The following DCUN1D5 variants were observed in gnomAD, a reference collection of about 807,000 sequenced individuals.
The protein encoded by DCUN1D5 is DCN1-like protein 5.
DCUN1D5 carries 10 observed loss-of-function variants against 38.3 expected under a neutral mutation model. The ratio of observed to expected loss-of-function variants is 0.26; its 90% CI spans 0.16 to 0.44. The LOEUF (loss-of-function observed/expected upper bound fraction) is 0.44. DCUN1D5 is among the 20% of genes least tolerant of loss of function. The probability of loss-of-function intolerance (pLI) is 1.00; values close to 1 mark genes in which losing one functional copy is unlikely to be tolerated. For synonymous variants in DCUN1D5, 93 were observed against 90.9 expected, an observed-to-expected ratio of 1.02 and a Z score of -0.13; for missense variants, 148 against 275.3, an observed-to-expected ratio of 0.54 and a Z score of 3.27.
rs1370290808 is a variant in DCUN1D5 at position 103,060,193 on chromosome 11, C to A, written c.*2166G>T. On this transcript the variant is annotated 3_prime_UTR_variant, in exon 8 of 8. Transcript: ENST00000260247. ...AAGAAGGTAAGAGAAATAGATGGAG[C>A]AATAGAGTAAAGCAAGCGTGGCCTC... Among the ~76,000 whole-genome samples the A allele has an allele frequency of 6.6e-6, 1 of 151,980 alleles. No individual in the cohort carries two copies. Among genetic ancestry groups the A allele is most frequent in the African/African-American group, 2.4e-5 (1 of 41,356 alleles).
intron 4 of DCUN1D5, among the ~76,000 whole-genome samples, chr11:103,069,061 G>A (rs2134608885): frequency 6.6e-6 from 1 of 152,192 alleles, no homozygotes; most frequent in South Asian, 2.1e-4. Flanking sequence ...GATAAAAGAG[G>A]CACTAACTTG....
Position 103,092,089 on chromosome 11 carries a change from G to A in DCUN1D5, c.-217C>T, listed in dbSNP as rs1218381883. The A allele has an allele frequency of 1.5e-5, 8 of 544,398 alleles. No individual in the cohort carries two copies. In the East Asian group the frequency reaches 2.2e-4, roughly 15 times the overall value. The allele number at this position is 544,398 out of a possible 1,614,324, so 33.7% of individuals were successfully genotyped here. A position where few individuals can be genotyped will look rare whatever the true frequency, so the allele number is the denominator to read the frequency against. ...GGGACAGGGCTGGCTCCTCGCCGGT[G>A]GACACTGCGGTTCGTTCTCACCGGG... is the stretch of plus-strand genomic sequence containing the variant. On this transcript the variant is annotated 5_prime_UTR_variant, in exon 1 of 8. Transcript: ENST00000260247.
chr11:103,066,498 T>G lies in DCUN1D5; in HGVS notation c.411A>C (p.Ser137=), dbSNP rs1357809782. Reference sequence around the variant, plus strand: ...AGGCATATCTGTAGATATTCTTAAATGACGAAATATCATTCAACTGTGAGC... The same window carrying G: ...AGGCATATCTGTAGATATTCTTAAAGGACGAAATATCATTCAACTGTGAGC... The part of the protein sequence containing the change: ...FLRSQLNDIS[S]FKNIYRYAFD... Residue 137 remains serine, a synonymous_variant, in exon 5 of 8, where the codon TCA becomes TCC. Transcript: ENST00000260247. The surrounding 1 kb of genome is among the most constrained non-coding windows in gnomAD (Gnocchi z 4.7). 6.2e-7 allele frequency: 1 copy of G among 1,612,642 alleles called. No homozygotes were observed. Among genetic ancestry groups the G allele is most frequent in the Admixed American group, 1.7e-5 (1 of 59,864 alleles).
intron 3 of DCUN1D5, 75 bp from the exon 4 acceptor site, chr11:103,082,914 G>T: frequency 1.8e-6 from 2 of 1,141,678 alleles, no homozygotes; most frequent in South Asian, 1.3e-5. Flanking sequence ...ATCATGGAGA[G>T]CATTTTTACA....
intron 1 of DCUN1D5, 84 bp from the exon 2 acceptor site, chr11:103,089,402 T>C: frequency 8.1e-7 from 1 of 1,227,354 alleles, no homozygotes; most frequent in Admixed American, 2.4e-5. Flanking sequence ...CAACTTCCAT[T>C]CACATTAAAC....
In DCUN1D5 at chr11:103,071,953, C is replaced by A. The variant is rs1163060311; in HGVS notation, c.342-5386G>T. Among the ~76,000 whole-genome samples, 2 of 149,532 alleles carry A rather than the reference C, an allele frequency of 1.3e-5. No homozygotes were observed. The highest frequency in any genetic ancestry group is 1.5e-5 in the Non-Finnish European group (1 of 67,242). On this transcript the variant is annotated intron_variant, in intron 4 of 7. Transcript: ENST00000260247. This position sits in a 1 kb window ranked among gnomAD's most constrained non-coding sequence, Gnocchi z 4.1. ...AGCCAGTATTACTTGATACCAAAAC[C>A]AGGCAAATACAAAAAAAAGCCACAT...
chr11:103,065,330 T>C lies in DCUN1D5; in HGVS notation c.555+939A>G, dbSNP rs1862108165. Among the ~76,000 whole-genome samples, 1 of 152,140 alleles carries C rather than the reference T, an allele frequency of 6.6e-6. No homozygotes were observed. Among genetic ancestry groups the C allele is most frequent in the Non-Finnish European group, 1.5e-5 (1 of 68,030 alleles). ...CCACACCCAGCTAATTTTTTGTGTGTATTTTTAGTAGAGACGGGGATTCAC... is the reference window on the plus strand; with the variant it reads ...CCACACCCAGCTAATTTTTTGTGTGCATTTTTAGTAGAGACGGGGATTCAC... On this transcript the variant is annotated intron_variant, in intron 6 of 7. Coordinates refer to ENST00000260247, the MANE Select transcript of DCUN1D5 (RefSeq NM_032299.4). This position sits in a 1 kb window ranked among gnomAD's most constrained non-coding sequence, Gnocchi z 4.6.
chr11:103,054,873 G>GA lies in DCUN1D5; in HGVS notation c.*7485dup, dbSNP rs1478983328. The stretch of plus-strand genomic sequence containing the variant: ...CTTATTTTATGCTTTCCTAGCACTA[G>GA]AAAAAAACATAGTAGATGGCAAACC... On this transcript the variant is annotated 3_prime_UTR_variant, in exon 8 of 8. Coordinates refer to ENST00000260247, the MANE Select transcript of DCUN1D5 (RefSeq NM_032299.4). 7 of 151,918 alleles carry GA rather than the reference G, an allele frequency of 4.6e-5. No homozygotes were observed. Among genetic ancestry groups the GA allele is most frequent in the Non-Finnish European group, 8.8e-5 (6 of 67,934 alleles). The allele number at this position is 151,918 out of a possible 1,614,324, so 9.4% of individuals were successfully genotyped here. A position where few individuals can be genotyped will look rare whatever the true frequency, so the allele number is the denominator to read the frequency against.
chr11:103,069,203 A>C (rs555454341), intron 4 of DCUN1D5, among the ~76,000 whole-genome samples: 12 of 152,324 alleles, frequency 7.9e-5, no homozygotes, highest in African/African-American at 2.9e-4. Flanking sequence ...GTGGTGAGTT[A>C]TCTGGGTTTC....
In DCUN1D5 at chr11:103,057,108, T is replaced by C. The variant is rs1487547526; in HGVS notation, c.*5251A>G. On this transcript the variant is annotated 3_prime_UTR_variant, in exon 8 of 8. Transcript: ENST00000260247. The surrounding 1 kb of genome is among the most constrained non-coding windows in gnomAD (Gnocchi z 4.8). ...GCATAGTTTCAGGGAATAATGTAAA[T>C]TTCAAATAGGTAAGATTTCTACATT... 4.6e-5 allele frequency among the ~76,000 whole-genome samples: 7 copies of C among 152,202 alleles called. No individual in the cohort carries two copies. The highest frequency in any genetic ancestry group is 1.3e-4 in the Admixed American group (2 of 15,274).
rs1861772850 is a variant in DCUN1D5, at chr11:103,052,696, G to T, written c.*9663C>A. 6.6e-6 allele frequency: 1 copy of T among 152,078 alleles called. No individual in the cohort carries two copies. The highest frequency in any genetic ancestry group is 2.4e-5 in the African/African-American group (1 of 41,440). The allele number at this position is 152,078 out of a possible 1,614,324, so 9.4% of individuals were successfully genotyped here. ...AGCTCTAGATAATGAATCTAAGATA[G>T]AATTATCATAAACCTTATAGTTCTA... is the stretch of plus-strand genomic sequence containing the variant. On this transcript the variant is annotated 3_prime_UTR_variant, in exon 8 of 8. Coordinates refer to ENST00000260247, the MANE Select transcript of DCUN1D5 (RefSeq NM_032299.4).
rs1442848940 is a variant in DCUN1D5 at position 103,091,122 on chromosome 11, C to G, written c.86+665G>C. On this transcript the variant is annotated intron_variant, in intron 1 of 7. Transcript: ENST00000260247. The surrounding 1 kb of genome is among the most constrained non-coding windows in gnomAD (Gnocchi z 4.3). ...TTATTTAATTTATGCTGAGAGCTAACAGCGTCCTGAATGCTAGAAGACAAA... is the reference window on the plus strand; with the variant it reads ...TTATTTAATTTATGCTGAGAGCTAAGAGCGTCCTGAATGCTAGAAGACAAA... Among the ~76,000 whole-genome samples the G allele has an allele frequency of 6.6e-6, 1 of 152,112 alleles. No homozygotes were observed. The highest frequency in any genetic ancestry group is 1.9e-4 in the East Asian group (1 of 5,178).
chr11:103,089,332 C>T lies in DCUN1D5; in HGVS notation c.87-14G>A. 3 of 1,588,060 alleles carry T rather than the reference C, an allele frequency of 1.9e-6. No homozygotes were observed. The highest frequency in any genetic ancestry group is 2.6e-6 in the Non-Finnish European group (3 of 1,163,130). ...GATCTGCAATAGCTTAGAAAACACA[C>T]AGACGCCTAAGATTTTTATCACATC... On this transcript the variant is annotated splice_polypyrimidine_tract_variant and intron_variant, in intron 1 of 7. Coordinates refer to ENST00000260247, the MANE Select transcript of DCUN1D5 (RefSeq NM_032299.4).
At chr11:103,074,486 A>G (rs971688986) in intron 4 of DCUN1D5, among the ~76,000 whole-genome samples, 19 of 151,552 alleles carry the variant, frequency 1.3e-4, no homozygotes, top group Admixed American at 9.2e-4. Flanking sequence ...TCAGGTCACA[A>G]CCTCCACCTC....
rs1267498398 is a variant in DCUN1D5 at position 103,071,570 on chromosome 11, T to C, written c.342-5003A>G. On this transcript the variant is annotated intron_variant, in intron 4 of 7. Coordinates refer to ENST00000260247, the MANE Select transcript of DCUN1D5 (RefSeq NM_032299.4). This position sits in a 1 kb window ranked among gnomAD's most constrained non-coding sequence, Gnocchi z 4.1. ...TTATATCTATTGATTTATATAGATATAATCTATATCTATGTAAATATTTTA... is the reference window on the plus strand; with the variant it reads ...TTATATCTATTGATTTATATAGATACAATCTATATCTATGTAAATATTTTA... Among the ~76,000 whole-genome samples the C allele has an allele frequency of 6.7e-6, 1 of 149,868 alleles. No individual in the cohort carries two copies. The highest frequency in any genetic ancestry group is 1.5e-5 in the Non-Finnish European group (1 of 67,484).
chr11:103,070,782 G>C (rs958904916), intron 4 of DCUN1D5, among the ~76,000 whole-genome samples: 7 of 152,026 alleles, frequency 4.6e-5, no homozygotes, highest in Non-Finnish European at 1.0e-4. Flanking sequence ...TTCTTTTCAA[G>C]TGCCCACAAA....
rs1281797578 is a variant in DCUN1D5, at chr11:103,057,793, G to A, written c.*4566C>T. Among the ~76,000 whole-genome samples the A allele has an allele frequency of 6.6e-6, 1 of 151,724 alleles. No homozygotes were observed. The highest frequency in any genetic ancestry group is 1.9e-4 in the East Asian group (1 of 5,182). ...CACACACAGCTCACAGAGTTTTGGG[G>A]AAATCTGGCTCTCTCTATATATTCA... On this transcript the variant is annotated 3_prime_UTR_variant, in exon 8 of 8. Coordinates refer to ENST00000260247, the MANE Select transcript of DCUN1D5 (RefSeq NM_032299.4). The surrounding 1 kb of genome is among the most constrained non-coding windows in gnomAD (Gnocchi z 4.8).
At chr11:103,075,669 G>A (rs770788552) in intron 4 of DCUN1D5, among the ~76,000 whole-genome samples, 6 of 152,146 alleles carry the variant, frequency 3.9e-5, no homozygotes, top group African/African-American at 7.2e-5. Flanking sequence ...GTGAGCCACC[G>A]GGCCTGGCCA....
chr11:103,083,169 T>C lies in DCUN1D5; in HGVS notation c.249+87A>G. On this transcript the variant is annotated intron_variant, in intron 3 of 7. Transcript: ENST00000260247. This position sits in a 1 kb window ranked among gnomAD's most constrained non-coding sequence, Gnocchi z 4.4. The stretch of plus-strand genomic sequence containing the variant: ...TAAACATGAAGAAATAAAATCTTCA[T>C]ACAAGATTAAAGTGTCTCGATTTTT... 2.3e-5 allele frequency: 16 copies of C among 699,296 alleles called. 1 individual carries two copies. In the South Asian group the frequency reaches 2.8e-4, roughly 12 times the overall value. The allele number at this position is 699,296 out of a possible 1,614,324, so 43.3% of individuals were successfully genotyped here. A position where few individuals can be genotyped will look rare whatever the true frequency, so the allele number is the denominator to read the frequency against.
Sources: allele counts gnomAD v4.1 joint callset (sites outside exome capture counted in the v4.1 genomes callset), GRCh38; gene constraint gnomAD v4.1.1; non-coding constraint Gnocchi (gnomAD v3.1); transcripts MANE v1.5; gene names NCBI Gene and HGNC (gene_info 2026-07-23, HGNC 2026-07-21).